Variants in RBM20 observed in about 807,000 individuals in gnomAD.
The protein encoded by RBM20 is RNA-binding protein 20.
A neutral mutation model predicts 110.1 loss-of-function variants in RBM20; 51 were observed. The ratio of observed to expected loss-of-function variants is 0.46; its 90% CI spans 0.37 to 0.59. RBM20 has a LOEUF of 0.59. Ranked by LOEUF, RBM20 falls within the 20% of genes least tolerant of loss-of-function variation. RBM20 has a pLI of 0.00. For missense variants in RBM20, 1,512 were observed against 1,574.9 expected (o/e 0.96, Z 0.68); for synonymous variants, 589 against 618.2 (o/e 0.95, Z 0.70).
At chr10:110,816,959 G>A (rs766943566) in intron 9 of RBM20, among the ~76,000 whole-genome samples, 114 of 152,364 alleles carry the variant, frequency 7.5e-4, no homozygotes, top group Non-Finnish European at 1.3e-3. Flanking sequence ...GCCAGTGTGC[G>A]TGCTGCTCCG....
chr10:110,741,548 C>T (rs1369982808), intron 1 of RBM20, among the ~76,000 whole-genome samples: 1 of 152,126 alleles, frequency 6.6e-6, no homozygotes, highest in East Asian at 1.9e-4. Flanking sequence ...TCACCTCTAC[C>T]CCATGTCCAC....
Position 110,810,372 on chromosome 10 carries a change from G to C in RBM20, c.1801-11G>C, listed in dbSNP as rs12572941. ...TCTCTGATCTGATGGTGATCTCTCT[G>C]ACTTTGCTAGAAACCCGGGAAGGCC... is the stretch of plus-strand genomic sequence containing the variant. On this transcript the variant is annotated splice_polypyrimidine_tract_variant and intron_variant, in intron 7 of 13. Transcript: ENST00000369519. The C allele has an allele frequency of 0.027, 41,739 of 1,549,418 alleles. 876 individuals carry two copies. The highest frequency in any genetic ancestry group is 0.094 in the South Asian group (7,926 of 83,914).
Position 110,780,939 on chromosome 10 carries a change from C to T in RBM20, c.330C>T (p.Val110=). Residue 110 remains valine (V), a synonymous_variant, in exon 2 of 14, where the codon GTC becomes GTT. Transcript: ENST00000369519. ...GGCTGAAGCTGGCACAGACAGCTGT[C>T]ACCAACAACACTGCAGCCGCCACAG... is the stretch of plus-strand genomic sequence containing the variant. ...LHRLKLAQTA[V]TNNTAAATVL... is the part of the protein sequence containing the mutation. 1 of 1,551,670 alleles carries T rather than the reference C, an allele frequency of 6.4e-7. No individual in the cohort carries two copies. The highest frequency in any genetic ancestry group is 8.7e-7 in the Non-Finnish European group (1 of 1,146,992).
At chr10:110,666,413 C>A (rs1862180363) in intron 1 of RBM20, among the ~76,000 whole-genome samples, 1 of 152,136 alleles carries the variant, frequency 6.6e-6, no homozygotes, top group African/African-American at 2.4e-5. Flanking sequence ...GAGGCTGAGG[C>A]AGGACGATTG....
chr10:110,687,715 C>T (rs570535083), intron 1 of RBM20, among the ~76,000 whole-genome samples: 1 of 152,256 alleles, frequency 6.6e-6, no homozygotes, highest in East Asian at 1.9e-4. Flanking sequence ...GACCATTGTC[C>T]ACCTGTGATA....
Position 110,644,575 on chromosome 10 carries a change from A to T in RBM20, c.121A>T (p.Met41Leu). ...ASPAPSGPRG[M>L]QQPPPPPQPP... is the part of the protein sequence containing the mutation. The stretch of plus-strand genomic sequence containing the variant: ...CCCGGCACCCTCCGGCCCGCGAGGG[A>T]TGCAGCAGCCGCCGCCGCCGCCCCA... Residue 41 changes from methionine to leucine, a missense_variant, in exon 1 of 14, where the codon ATG (methionine) becomes TTG (leucine). Coordinates refer to ENST00000369519, the MANE Select transcript of RBM20 (RefSeq NM_001134363.3). The surrounding 1 kb of genome is among the most constrained non-coding windows in gnomAD (Gnocchi z 4.3). 4 of 1,526,472 alleles carry T rather than the reference A, an allele frequency of 2.6e-6. No individual in the cohort carries two copies. The South Asian group carries it at 4.9e-5, about 19-fold the overall frequency. The allele number at this position is 1,526,472 out of a possible 1,614,324, so 94.6% of individuals were successfully genotyped here.
At chr10:110,721,364 G>C (rs746228421) in intron 1 of RBM20, among the ~76,000 whole-genome samples, 19 of 152,128 alleles carry the variant, frequency 1.2e-4, no homozygotes, top group Non-Finnish European at 2.4e-4. Flanking sequence ...TCTAATGAGG[G>C]CCCAGCCTGC....
intron 1 of RBM20, among the ~76,000 whole-genome samples, chr10:110,728,873 G>A (rs1843591478): frequency 6.6e-6 from 1 of 152,300 alleles, no homozygotes; most frequent in African/African-American, 2.4e-5. Context: ...GCTGAGCGAT[G>A]CTGCTCTGTT....
At chr10:110,767,421 T>TGCC in intron 1 of RBM20, among the ~76,000 whole-genome samples, 1 of 143,224 alleles carries the variant, frequency 7.0e-6, no homozygotes, top group South Asian at 2.3e-4. Flanking sequence ...ACGGGGTGGC[T>TGCC]GCCGGGCAGA....
chr10:110,811,143 G>T (rs1222181700), intron 8 of RBM20, among the ~76,000 whole-genome samples: 1 of 152,168 alleles, frequency 6.6e-6, no homozygotes, highest in Non-Finnish European at 1.5e-5. Context: ...ACGTCCTGGG[G>T]TTCTTGCTGG....
At chr10:110,793,129 G>T (rs370307253) in intron 5 of RBM20, among the ~76,000 whole-genome samples, 1 of 152,166 alleles carries the variant, frequency 6.6e-6, no homozygotes, top group African/African-American at 2.4e-5. Context: ...CGTTCCAGAC[G>T]TGGGGAAACT....
chr10:110,734,618 C>CATTTTTTTTTT (rs34824300), intron 1 of RBM20, among the ~76,000 whole-genome samples: 2 of 136,532 alleles, frequency 1.5e-5, no homozygotes, highest in Non-Finnish European at 1.6e-5. Flanking sequence ...AAAATTCCCT[C>CATTTTTTTTTT]TTTTTTTTTT....
intron 1 of RBM20, among the ~76,000 whole-genome samples, chr10:110,744,570 T>TACTGAACGG (rs1173000243): frequency 1.3e-5 from 2 of 152,216 alleles, no homozygotes; most frequent in Admixed American, 6.5e-5. Flanking sequence ...CCTCCAGACT[T>TACTGAACGG]ACTGAACGGA....
chr10:110,712,731 C>T (rs1237564041), intron 1 of RBM20, among the ~76,000 whole-genome samples: 1 of 152,190 alleles, frequency 6.6e-6, no homozygotes. Flanking sequence ...CGCACCACTG[C>T]ACTCCAGCCT....
At chr10:110,676,903 G>T (rs759728710) in intron 1 of RBM20, among the ~76,000 whole-genome samples, 6 of 152,198 alleles carry the variant, frequency 3.9e-5, no homozygotes, top group Non-Finnish European at 7.3e-5. Flanking sequence ...AAAAATCTCA[G>T]AGTCACTTTA....
At chr10:110,813,987 C>G (rs1409236340) in intron 9 of RBM20, among the ~76,000 whole-genome samples, 1 of 152,188 alleles carries the variant, frequency 6.6e-6, no homozygotes, top group Non-Finnish European at 1.5e-5. Context: ...TTGGCTTACA[C>G]TTCCTTCTTG....
At chr10:110,669,614 G>A (rs1164014244) in intron 1 of RBM20, among the ~76,000 whole-genome samples, 1 of 152,216 alleles carries the variant, frequency 6.6e-6, no homozygotes, top group Non-Finnish European at 1.5e-5. Context: ...TGGAGATACG[G>A]TCTTGCTGTG....
intron 11 of RBM20, among the ~76,000 whole-genome samples, chr10:110,822,963 G>A (rs1056539259): frequency 6.6e-6 from 1 of 152,148 alleles, no homozygotes; most frequent in African/African-American, 2.4e-5. Flanking sequence ...CTCCAATCAA[G>A]CCCCTTTTAT....
rs1362458012 is a variant in RBM20 at position 110,780,992 on chromosome 10, C to T, written c.383C>T (p.Ala128Val). 1 of 1,551,766 alleles carries T rather than the reference C, an allele frequency of 6.4e-7. No individual in the cohort carries two copies. Among genetic ancestry groups the T allele is most frequent in the Non-Finnish European group, 8.7e-7 (1 of 1,147,016 alleles). ...CTGAACCAAGTCCTCTCCAAAGTGG[C>T]CATGTCCCAGCCTCTCTTCAATCAA... The part of the protein sequence containing the change: ...TVLNQVLSKV[A>V]MSQPLFNQLR... Residue 128 changes from alanine to valine, a missense_variant, in exon 2 of 14, where the codon GCC (alanine) becomes GTC (valine). Physicochemically the swap from Ala to Val is moderately conservative, Grantham distance 64. Coordinates refer to ENST00000369519, the MANE Select transcript of RBM20 (RefSeq NM_001134363.3).
Sources: gnomAD v4.1 joint callset for allele counts (sites outside exome capture counted in the v4.1 genomes callset) on GRCh38, gnomAD v4.1.1 for gene constraint, Gnocchi (gnomAD v3.1) non-coding constraint, MANE v1.5 for transcripts, NCBI Gene and HGNC (gene_info 2026-07-23, HGNC 2026-07-21) for gene names.